DNAJC10: variants seen among roughly 807,000 people sequenced by gnomAD.
DNAJC10 encodes the protein endoplasmic reticulum disulfide reductase DNAJC10.
In DNAJC10, 101 loss-of-function variants were observed where a neutral mutation model predicts 115.0. The ratio of observed to expected loss-of-function variants is 0.88; its 90% CI spans 0.75 to 1.04. DNAJC10 has a LOEUF of 1.04. Ranked by LOEUF, DNAJC10 falls within the 50% of genes least tolerant of loss-of-function variation. The pLI is 0.00. For synonymous variants in DNAJC10, 307 were observed against 301.5 expected (o/e 1.02, Z -0.19); for missense variants, 981 against 928.8 (o/e 1.06, Z -0.73).
chr2:182,740,711 A>G (rs1329210730), intron 12 of DNAJC10, among the ~76,000 whole-genome samples: 3 of 152,192 alleles, frequency 2.0e-5, no homozygotes, highest in East Asian at 1.9e-4. Flanking sequence ...AACGGATTAT[A>G]TTGATTACTA....
At chr2:182,737,523 A>T (rs1367088261) in intron 11 of DNAJC10, among the ~76,000 whole-genome samples, 1 of 152,180 alleles carries the variant, frequency 6.6e-6, no homozygotes, top group African/African-American at 2.4e-5. Flanking sequence ...TGTGCCAGCA[A>T]TTCTCTAGTT....
chr2:182,789,705 T>TCTATATCATAGACTTA lies in DNAJC10; in HGVS notation c.*12584_*12585insACTTACTATATCATAG, dbSNP rs912544974. The TCTATATCATAGACTTA allele has an allele frequency of 1.3e-5, 2 of 152,198 alleles. No individual in the cohort carries two copies. The highest frequency in any genetic ancestry group is 4.8e-5 in the African/African-American group (2 of 41,458). 9.4% of individuals were successfully genotyped at this position (152,198 alleles called of 1,614,324 possible). A position where few individuals can be genotyped will look rare whatever the true frequency, so the allele number is the denominator to read the frequency against. On this transcript the variant is annotated 3_prime_UTR_variant, in exon 24 of 24. Transcript: ENST00000264065. ...TCAGCTATATACCTAGAAGTGTAAG[T>TCTATATCATAGACTTA]CTATATCATAGTAATTCTATTTTTA...
intron 5 of DNAJC10, among the ~76,000 whole-genome samples, chr2:182,724,769 C>T (rs1429241035): frequency 6.6e-6 from 1 of 152,100 alleles, no homozygotes; most frequent in South Asian, 2.1e-4. Flanking sequence ...TAATTCTATT[C>T]TGGGTCACTG....
chr2:182,732,656 A>G (rs1474249799), intron 10 of DNAJC10, 114 bp downstream of exon 10: 1 of 1,033,218 alleles, frequency 9.7e-7, no homozygotes, highest in African/African-American at 1.6e-5. Flanking sequence ...CCTATTTGTA[A>G]TCTTATTTTC....
At chr2:182,753,769 A>C (rs1694088191) in intron 16 of DNAJC10, among the ~76,000 whole-genome samples, 1 of 151,766 alleles carries the variant, frequency 6.6e-6, no homozygotes, top group South Asian at 2.1e-4. Context: ...TTTTTAGTAG[A>C]GATGGGGTTT....
At chr2:182,757,289 C>T (rs1694180087) in intron 18 of DNAJC10, among the ~76,000 whole-genome samples, 1 of 152,098 alleles carries the variant, frequency 6.6e-6, no homozygotes, top group Non-Finnish European at 1.5e-5. Flanking sequence ...TATTTTTGTG[C>T]TCTTTTCAAT....
At chr2:182,740,926 T>C (rs1362009795) in intron 12 of DNAJC10, among the ~76,000 whole-genome samples, 1 of 152,164 alleles carries the variant, frequency 6.6e-6, no homozygotes, top group Non-Finnish European at 1.5e-5. Flanking sequence ...AGATCTTATG[T>C]GCTAAGCCTG....
rs941233685 is a variant in DNAJC10, at chr2:182,762,664, T to C, written c.2146-18T>C. ...TTATGCCAAACAGAAAATGGCAAAC[T>C]GTATTTTTCTTTTTCAGATGATTAA... On this transcript the variant is annotated intron_variant, in intron 21 of 23. Transcript: ENST00000264065. 2.5e-6 allele frequency: 4 copies of C among 1,610,650 alleles called. No individual in the cohort carries two copies. The African/African-American group carries it at 5.3e-5, about 22-fold the overall frequency.
intron 15 of DNAJC10, 41 bp downstream of exon 15, chr2:182,751,826 C>T: frequency 6.3e-7 from 1 of 1,595,160 alleles, no homozygotes; most frequent in Non-Finnish European, 8.5e-7. Context: ...ATTGTCAGAT[C>T]TTCTCCTGTT....
chr2:182,749,936 A>G (rs1693973081), intron 14 of DNAJC10, among the ~76,000 whole-genome samples: 2 of 152,274 alleles, frequency 1.3e-5, no homozygotes, highest in South Asian at 2.1e-4. Context: ...TCTGGTTCCA[A>G]GCTTACTTTT....
chr2:182,748,566 T>A (rs1226216958), intron 14 of DNAJC10, among the ~76,000 whole-genome samples: 1 of 152,048 alleles, frequency 6.6e-6, no homozygotes, highest in African/African-American at 2.4e-5. Context: ...TCTGTGGGAT[T>A]GGTGGTGATA....
intron 19 of DNAJC10, 41 bp downstream of exon 19, chr2:182,757,866 T>C (rs757119290): frequency 1.7e-6 from 2 of 1,179,962 alleles, no homozygotes; most frequent in East Asian, 2.6e-5. Context: ...ATTATAATTA[T>C]TTAATTATAC....
intron 3 of DNAJC10, 42 bp downstream of exon 3, chr2:182,718,332 T>G (rs1476105549): frequency 6.8e-7 from 1 of 1,461,050 alleles, no homozygotes. Flanking sequence ...ATTATATTTT[T>G]GGTACATTTT....
Position 182,778,561 on chromosome 2 carries a change from C to A in DNAJC10, c.*1429C>A, listed in dbSNP as rs1393020999. ...TGTTTTGAGGAGTTTTCCTTTTTTT[C>A]TTTTCAATATCACTTTATCCTGCTC... On this transcript the variant is annotated 3_prime_UTR_variant, in exon 24 of 24. Coordinates refer to ENST00000264065, the MANE Select transcript of DNAJC10 (RefSeq NM_018981.4). 8.4e-6 allele frequency: 1 copy of A among 119,422 alleles called. No homozygotes were observed. The highest frequency in any genetic ancestry group is 1.8e-5 in the Non-Finnish European group (1 of 56,548). 7.4% of individuals were successfully genotyped at this position (119,422 alleles called of 1,614,324 possible). A position where few individuals can be genotyped will look rare whatever the true frequency, so the allele number is the denominator to read the frequency against.
chr2:182,745,679 C>T (rs409343), intron 14 of DNAJC10, among the ~76,000 whole-genome samples: 103,357 of 151,616 alleles, frequency 0.68, 35,887 homozygotes, highest in African/African-American at 0.8. Context: ...GACAAGTAAA[C>T]TAACAAATTT....
chr2:182,746,772 T>C (rs1693879534), intron 14 of DNAJC10, among the ~76,000 whole-genome samples: 1 of 152,070 alleles, frequency 6.6e-6, no homozygotes, highest in South Asian at 2.1e-4. Flanking sequence ...TTGTTGCCAT[T>C]GCTTTTGTTG....
intron 11 of DNAJC10, among the ~76,000 whole-genome samples, chr2:182,739,393 A>G (rs879523792): frequency 4.6e-5 from 7 of 151,684 alleles, no homozygotes; most frequent in Admixed American, 2.0e-4. Flanking sequence ...GATTGTTCGT[A>G]CAAGTTTTTA....
intron 8 of DNAJC10, among the ~76,000 whole-genome samples, chr2:182,730,281 GTTTAAT>G (rs1693410212): frequency 6.6e-6 from 1 of 152,052 alleles, no homozygotes; most frequent in African/African-American, 2.4e-5. Context: ...AACCTATTCT[GTTTAAT>G]TTTAAAGTTT....
intron 3 of DNAJC10, among the ~76,000 whole-genome samples, chr2:182,719,784 C>T (rs575453159): frequency 5.6e-4 from 80 of 142,662 alleles, no homozygotes; most frequent in African/African-American, 2.0e-3. Flanking sequence ...TCAATTATTT[C>T]ATTACTTTTC....
Sources: allele counts gnomAD v4.1 joint callset (sites outside exome capture counted in the v4.1 genomes callset), GRCh38; gene constraint gnomAD v4.1.1; transcripts MANE v1.5; gene names NCBI Gene and HGNC (gene_info 2026-07-23, HGNC 2026-07-21).